AKAP6: variants seen among roughly 807,000 people sequenced by gnomAD.
AKAP6 encodes the protein A-kinase anchor protein 6.
A neutral mutation model predicts 188.5 loss-of-function variants in AKAP6; 58 were observed. The observed-to-expected ratio is 0.31, with a 90% CI of 0.25 to 0.38. AKAP6 has a LOEUF of 0.38. Ranked by LOEUF, AKAP6 falls within the 10% of genes least tolerant of loss-of-function variation. AKAP6 has a pLI of 1.00. For missense variants in AKAP6, 2,710 were observed against 2,740.0 expected (o/e 0.99, Z 0.24); for synonymous variants, 989 against 998.6 (o/e 0.99, Z 0.18).
intron 8 of AKAP6, among the ~76,000 whole-genome samples, chr14:32,685,930 C>T (rs1395993569): frequency 6.6e-6 from 1 of 152,146 alleles, no homozygotes; most frequent in African/African-American, 2.4e-5. Context: ...AGCAATCCCA[C>T]TGCTGGGCAT....
intron 2 of AKAP6, among the ~76,000 whole-genome samples, chr14:32,519,419 G>A (rs926709587): frequency 9.9e-5 from 15 of 152,054 alleles, no homozygotes; most frequent in African/African-American, 3.6e-4. Flanking sequence ...AAAGTGTCAA[G>A]ACCCATCAGT....
chr14:32,776,389 T>C (rs536741265), intron 12 of AKAP6, among the ~76,000 whole-genome samples: 137 of 152,344 alleles, frequency 9.0e-4, no homozygotes, highest in African/African-American at 3.1e-3. Context: ...TCATTCTCTC[T>C]TGTCTGCTGC....
chr14:32,821,500 T>C lies in AKAP6; in HGVS notation c.3687T>C (p.Ile1229=). 1 of 1,613,774 alleles carries C rather than the reference T, an allele frequency of 6.2e-7. No individual in the cohort carries two copies. The highest frequency in any genetic ancestry group is 2.2e-5 in the East Asian group (1 of 44,864). Residue 1229 remains isoleucine, a synonymous_variant, in exon 13 of 14, where the codon ATT becomes ATC. Coordinates refer to ENST00000280979, the MANE Select transcript of AKAP6 (RefSeq NM_004274.5). Reference sequence around the variant, plus strand: ...AAATGGACATAAGTAACAAGTTAATTAGTTTGAATGAGGAATCAAATGACC... The same window carrying C: ...AAATGGACATAAGTAACAAGTTAATCAGTTTGAATGAGGAATCAAATGACC... ...WDEMDISNKL[I]SLNEESNDLD... is the part of the protein sequence containing the mutation.
intron 9 of AKAP6, among the ~76,000 whole-genome samples, chr14:32,702,637 G>A (rs553658129): frequency 1.3e-5 from 2 of 152,096 alleles, no homozygotes; most frequent in East Asian, 1.9e-4. Flanking sequence ...GGGAAGCCCC[G>A]CCAGCAGTTT....
At chr14:32,385,367 T>A (rs780381318) in intron 1 of AKAP6, among the ~76,000 whole-genome samples, 5 of 151,458 alleles carry the variant, frequency 3.3e-5, no homozygotes, top group Non-Finnish European at 5.9e-5. Context: ...TGTTATTTTT[T>A]ATTTGCAACT....
intron 1 of AKAP6, among the ~76,000 whole-genome samples, chr14:32,336,028 A>G (rs1003948740): frequency 2.0e-5 from 3 of 151,862 alleles, no homozygotes; most frequent in Non-Finnish European, 4.4e-5. Flanking sequence ...TCAGAAGTCC[A>G]TATCTGCCAT....
intron 5 of AKAP6, among the ~76,000 whole-genome samples, chr14:32,577,701 C>G (rs575578204): frequency 6.6e-6 from 1 of 152,028 alleles, no homozygotes; most frequent in Non-Finnish European, 1.5e-5. Context: ...ATGATGATCT[C>G]CATCATTTTT....
chr14:32,504,212 TAGCTAAAAAG>T (rs1279738449), intron 2 of AKAP6, among the ~76,000 whole-genome samples: 2 of 152,164 alleles, frequency 1.3e-5, no homozygotes, highest in African/African-American at 2.4e-5. Flanking sequence ...CCTTCAGTTA[TAGCTAAAAAG>T]AGCTTGTTAT....
At chr14:32,787,807 T>G (rs1249053337) in intron 12 of AKAP6, among the ~76,000 whole-genome samples, 1 of 152,148 alleles carries the variant, frequency 6.6e-6, no homozygotes, top group African/African-American at 2.4e-5. Flanking sequence ...AATAAATTTA[T>G]TTTTCTTTTA....
At chr14:32,336,043 G>A (rs962277726) in intron 1 of AKAP6, among the ~76,000 whole-genome samples, 10 of 151,506 alleles carry the variant, frequency 6.6e-5, no homozygotes, top group African/African-American at 2.4e-4. Flanking sequence ...TGCCATTACT[G>A]TTTATAATAA....
intron 2 of AKAP6, among the ~76,000 whole-genome samples, chr14:32,463,467 C>T (rs6571523): frequency 0.38 from 57,685 of 152,054 alleles, 14,374 homozygotes; most frequent in African/African-American, 0.71. Context: ...TGCACAACTA[C>T]GTCGAAACTG....
At chr14:32,510,349 T>C (rs1229051942) in intron 2 of AKAP6, among the ~76,000 whole-genome samples, 1 of 133,430 alleles carries the variant, frequency 7.5e-6, no homozygotes, top group Admixed American at 8.0e-5. Flanking sequence ...AGTAAACATA[T>C]GGATACATAT....
chr14:32,662,225 G>A (rs1188886949), intron 7 of AKAP6, among the ~76,000 whole-genome samples: 2 of 152,028 alleles, frequency 1.3e-5, no homozygotes, highest in Admixed American at 1.3e-4. Flanking sequence ...TAAAATGGCA[G>A]AGAGGTTCAT....
chr14:32,501,800 C>T (rs2138986118), intron 2 of AKAP6, among the ~76,000 whole-genome samples: 1 of 152,258 alleles, frequency 6.6e-6, no homozygotes, highest in South Asian at 2.1e-4. Flanking sequence ...CCTTCAACCT[C>T]CCCTTTAACT....
At chr14:32,659,041 G>A (rs1015815279) in intron 7 of AKAP6, among the ~76,000 whole-genome samples, 1 of 152,028 alleles carries the variant, frequency 6.6e-6, no homozygotes, top group East Asian at 1.9e-4. Flanking sequence ...CATTTGACAA[G>A]ACACTAGCAT....
At chr14:32,510,097 G>T (rs1023577749) in intron 2 of AKAP6, among the ~76,000 whole-genome samples, 4 of 151,884 alleles carry the variant, frequency 2.6e-5, no homozygotes, top group Non-Finnish European at 5.9e-5. Flanking sequence ...GCTTAAAGGG[G>T]GATCTAGCAC....
intron 7 of AKAP6, among the ~76,000 whole-genome samples, chr14:32,606,323 C>A (rs562242682): frequency 3.0e-4 from 45 of 152,240 alleles, no homozygotes; most frequent in African/African-American, 1.1e-3. Context: ...ACAAAAGCTA[C>A]ATTTTTTTGA....
intron 9 of AKAP6, among the ~76,000 whole-genome samples, chr14:32,710,609 G>T (rs368264530): frequency 1.3e-5 from 2 of 151,432 alleles, no homozygotes; most frequent in Non-Finnish European, 2.9e-5. Flanking sequence ...AATCACAGAC[G>T]AAAAAAAACA....
intron 2 of AKAP6, among the ~76,000 whole-genome samples, chr14:32,454,251 T>C (rs1246720496): frequency 6.6e-6 from 1 of 152,212 alleles, no homozygotes; most frequent in African/African-American, 2.4e-5. Flanking sequence ...TGATAGAAGC[T>C]AGCAATAAAT....
Sources: gnomAD v4.1 joint callset for allele counts (sites outside exome capture counted in the v4.1 genomes callset) on GRCh38, gnomAD v4.1.1 for gene constraint, MANE v1.5 for transcripts, NCBI Gene and HGNC (gene_info 2026-07-23, HGNC 2026-07-21) for gene names.